Variants in KANK3 observed in about 807,000 individuals in gnomAD.
The protein encoded by KANK3 is KN motif and ankyrin repeat domain-containing protein 3.
Under a neutral mutation model 65.4 loss-of-function variants are expected in KANK3, and 61 were observed. The ratio of observed to expected loss-of-function variants is 0.93; its 90% confidence interval spans 0.76 to 1.15. The LOEUF is 1.15. Among genes scored for constraint, KANK3 ranks in the 50% most tolerant of loss-of-function variants. The pLI, the probability that KANK3 is intolerant of heterozygous loss-of-function variation, is 0.00. For synonymous variants in KANK3, 586 were observed against 543.3 expected (o/e 1.08, Z -1.09); for missense variants, 1,187 against 1,178.8 (o/e 1.01, Z -0.10).
At chr19:8,329,157 C>A (rs1440220915) in intron 7 of KANK3, among the ~76,000 whole-genome samples, 2 of 121,274 alleles carry the variant, frequency 1.6e-5, no homozygotes, top group Non-Finnish European at 3.3e-5. Context: ...GGTGACAGAG[C>A]GAGACTCCAT....
Position 8,325,393 on chromosome 19 carries a change from C to G in KANK3, c.1937-297G>C, listed in dbSNP as rs189055268. ...GATCTCAGCTCACTGCAATCTCCAC[C>G]TCCGGAGTAGCTGGAACTACAGCAT... On this transcript the variant is annotated intron_variant, in intron 7 of 10. Transcript: ENST00000330915. Among the ~76,000 whole-genome samples the G allele has an allele frequency of 6.7e-3, 986 of 147,518 alleles. 7 individuals are homozygous for G. Among genetic ancestry groups the G allele is most frequent in the Non-Finnish European group, 0.011 (748 of 66,978 alleles).
intron 7 of KANK3, among the ~76,000 whole-genome samples, chr19:8,325,521 C>T (rs1221480759): frequency 6.6e-6 from 1 of 151,726 alleles, no homozygotes; most frequent in Admixed American, 6.6e-5. Flanking sequence ...GATCCACCCA[C>T]CGTAGCCTCC....
chr19:8,332,567 C>T (rs1452897104), intron 7 of KANK3, among the ~76,000 whole-genome samples: 3 of 151,562 alleles, frequency 2.0e-5, no homozygotes, highest in Non-Finnish European at 2.9e-5. Flanking sequence ...GCCTGTAATC[C>T]CAGCACTTTG....
chr19:8,336,711 GACTGGGTGA>G (rs1252293063), intron 2 of KANK3, among the ~76,000 whole-genome samples: 1 of 142,536 alleles, frequency 7.0e-6, no homozygotes, highest in East Asian at 2.1e-4. Flanking sequence ...CTGCACTCCA[GACTGGGTGA>G]CAGAGTGAGA....
In KANK3 at chr19:8,334,080, G is replaced by T; in HGVS notation, c.1464C>A (p.Ser488Arg). Residue 488 changes from serine to arginine, a missense_variant, in exon 5 of 11, where the codon AGC becomes AGA. Transcript: ENST00000330915. Reference protein sequence around the residue: ...ESSSSEDASDSDGDSENGGAE... With the variant: ...ESSSSEDASDRDGDSENGGAE... ...CGCCACCGTTCTCGCTGTCGCCATC[G>T]CTGTCGCTGGCGTCCTCGCTGGAGG... The T allele has an allele frequency of 1.3e-6, 2 of 1,524,478 alleles. No homozygotes were observed. The highest frequency in any genetic ancestry group is 8.8e-7 in the Non-Finnish European group (1 of 1,137,976). The allele number at this position is 1,524,478 out of a possible 1,614,324, so 94.4% of individuals were successfully genotyped here. A position where few individuals can be genotyped will look rare whatever the true frequency, so the allele number is the denominator to read the frequency against.
chr19:8,334,168 G>A, intron 4 of KANK3, 52 bp from the exon 5 acceptor site: 1 of 1,490,522 alleles, frequency 6.7e-7, no homozygotes, highest in Non-Finnish European at 8.9e-7. Flanking sequence ...GGCTCGTTCT[G>A]GAGTCCTGCG....
chr19:8,342,722 A>C (rs1037350727), intron 1 of KANK3, among the ~76,000 whole-genome samples: 1 of 152,128 alleles, frequency 6.6e-6, no homozygotes. Context: ...TGGGTGTTAA[A>C]GTCATCATCA....
rs59607185 is a variant in KANK3 at position 8,329,492 on chromosome 19, C to CAAAAAAAAAA, written c.1936+3512_1936+3521dup. Among the ~76,000 whole-genome samples the CAAAAAAAAAA allele has an allele frequency of 2.0e-4, 10 of 51,122 alleles. 1 individual carries two copies. The highest frequency in any genetic ancestry group is 2.5e-4 in the Admixed American group (1 of 4,060). The allele number at this position is 51,122 out of a possible 152,430, so 33.5% of individuals were successfully genotyped here. A position where few individuals can be genotyped will look rare whatever the true frequency, so the allele number is the denominator to read the frequency against. On this transcript the variant is annotated intron_variant, in intron 7 of 10. Coordinates refer to ENST00000330915, the MANE Select transcript of KANK3 (RefSeq NM_198471.3). ...CAGGCAACAGAGCAAGACTCGGCCTCAAAAAAAAAAAAAAAAAAAAAAAAA... is the reference window on the plus strand; with the variant it reads ...CAGGCAACAGAGCAAGACTCGGCCTCAAAAAAAAAAAAAAAAAAAAAAAAAAAAAAAAAAA...
In KANK3 at chr19:8,324,493, CG is replaced by C; in HGVS notation, c.2337del (p.Ala780LeufsTer7). 6.2e-7 allele frequency: 1 copy of C among 1,612,476 alleles called. No homozygotes were observed. Among genetic ancestry groups the C allele is most frequent in the Non-Finnish European group, 8.5e-7 (1 of 1,179,322 alleles). On this transcript the variant is annotated frameshift_variant, in exon 10 of 11. Transcript: ENST00000330915. LOFTEE classifies it low-confidence loss of function (END_TRUNC). ...IALEAEQDEVAALLHAHLSSG... is the reference protein window; with the variant it reads ...IALEAEQDEVXALLHAHLSSG... ...GAGCTCAGGTGGGCATGTAGCAGAGCGGCCACCTCATCCTGCTCAGCCTCCA... is the reference window on the plus strand; with the variant it reads ...GAGCTCAGGTGGGCATGTAGCAGAGCGCCACCTCATCCTGCTCAGCCTCCA...
At chr19:8,328,728 G>A (rs565955809) in intron 7 of KANK3, among the ~76,000 whole-genome samples, 1 of 152,220 alleles carries the variant, frequency 6.6e-6, no homozygotes, top group South Asian at 2.1e-4. Flanking sequence ...GTGGGGAGCT[G>A]AGAAGTGAGA....
intron 7 of KANK3, among the ~76,000 whole-genome samples, chr19:8,325,461 CAG>C (rs1970411674): frequency 2.0e-5 from 3 of 151,720 alleles, no homozygotes; most frequent in South Asian, 2.1e-4. Flanking sequence ...TTAGTAGAGA[CAG>C]GGTTTCACCA....
At chr19:8,325,176 G>A (rs557130690) in intron 7 of KANK3, 80 bp from the exon 8 acceptor site, 40 of 1,464,282 alleles carry the variant, frequency 2.7e-5, no homozygotes, top group East Asian at 2.4e-4. Context: ...TGCAAGCCTC[G>A]GGCACAGCAC....
At chr19:8,338,895 A>G (rs900481395) in intron 1 of KANK3, among the ~76,000 whole-genome samples, 3 of 149,828 alleles carry the variant, frequency 2.0e-5, no homozygotes, top group Non-Finnish European at 4.5e-5. Context: ...AAAAAAAAAA[A>G]AAAAGGATGT....
At position 8,333,319 on chromosome 19, in the gene KANK3, G is replaced by T; in HGVS notation, c.1720-89C>A. Reference sequence around the variant, plus strand: ...CTGGGGAGGGGCGGGACTGGGAAGAGACCCATTTGGCGTTTCCAGGCAAGT... The same window carrying T: ...CTGGGGAGGGGCGGGACTGGGAAGATACCCATTTGGCGTTTCCAGGCAAGT... On this transcript the variant is annotated intron_variant, in intron 6 of 10. Coordinates refer to ENST00000330915, the MANE Select transcript of KANK3 (RefSeq NM_198471.3). This position sits in a 1 kb window ranked among gnomAD's most constrained non-coding sequence, Gnocchi z 5.0. The T allele has an allele frequency of 9.1e-7, 1 of 1,099,866 alleles. No individual in the cohort carries two copies. The highest frequency in any genetic ancestry group is 1.3e-6 in the Non-Finnish European group (1 of 774,388). The allele number at this position is 1,099,866 out of a possible 1,614,324, so 68.1% of individuals were successfully genotyped here. A position where few individuals can be genotyped will look rare whatever the true frequency, so the allele number is the denominator to read the frequency against.
chr19:8,336,427 A>G (rs868132793), intron 2 of KANK3, among the ~76,000 whole-genome samples: 1 of 91,982 alleles, frequency 1.1e-5, no homozygotes, highest in African/African-American at 5.1e-5. Context: ...ACAGAAGAGA[A>G]CCTCTCAAAA....
In KANK3 at chr19:8,334,122, G is replaced by A; in HGVS notation, c.1428-6C>T. The A allele has an allele frequency of 6.6e-7, 1 of 1,508,586 alleles. No homozygotes were observed. The highest frequency in any genetic ancestry group is 8.9e-7 in the Non-Finnish European group (1 of 1,127,954). The allele number at this position is 1,508,586 out of a possible 1,614,324, so 93.5% of individuals were successfully genotyped here. On this transcript the variant is annotated splice_polypyrimidine_tract_variant and splice_region_variant and intron_variant, in intron 4 of 10. Transcript: ENST00000330915. ...CGCTGGAGGAGCTCTCGTACCTGGG[G>A]GCAGGGTGGGAGGTGTCTGCTAAAC... is the stretch of plus-strand genomic sequence containing the variant.
rs1318249091 is a variant in KANK3, at chr19:8,335,051, C to T, written c.776G>A (p.Arg259His). The change falls in exon 3 of 11, where the codon CGC becomes CAC. Residue 259 changes from arginine to histidine, a missense_variant. Transcript: ENST00000330915. ...GGGGCTGGCCCTGGCACGGCCGCCGCGCTCGGAGGTGGCCAGGCGCTCGGT... is the reference window on the plus strand; with the variant it reads ...GGGGCTGGCCCTGGCACGGCCGCCGTGCTCGGAGGTGGCCAGGCGCTCGGT... The part of the protein sequence containing the change: ...RLTERLATSE[R>H]GGRARASPRA... 3 of 1,355,844 alleles carry T rather than the reference C, an allele frequency of 2.2e-6. No homozygotes were observed. Among genetic ancestry groups the T allele is most frequent in the Non-Finnish European group, 2.8e-6 (3 of 1,061,914 alleles). The allele number at this position is 1,355,844 out of a possible 1,614,324, so 84.0% of individuals were successfully genotyped here. A position where few individuals can be genotyped will look rare whatever the true frequency, so the allele number is the denominator to read the frequency against.
In KANK3 at chr19:8,333,755, A is replaced by C; in HGVS notation, c.1688T>G (p.Leu563Arg). The C allele has an allele frequency of 6.7e-7, 1 of 1,485,138 alleles. No individual in the cohort carries two copies. Among genetic ancestry groups the C allele is most frequent in the Non-Finnish European group, 9.0e-7 (1 of 1,114,310 alleles). 92.0% of individuals were successfully genotyped at this position (1,485,138 alleles called of 1,614,324 possible). ...REACVALQRQ[L>R]SRPRGVASDG... The stretch of plus-strand genomic sequence containing the variant: ...GCTGGCTACTCCGCGGGGCCGGCTC[A>C]GCTGCCGCTGCAGCGCTACGCACGC... Residue 563 changes from leucine to arginine, a missense_variant, in exon 6 of 11, where the codon CTG (leucine) becomes CGG (arginine). By Grantham distance (102) the Leu-to-Arg change is moderately radical (BLOSUM62 -2). Coordinates refer to ENST00000330915, the MANE Select transcript of KANK3 (RefSeq NM_198471.3). The surrounding 1 kb of genome is among the most constrained non-coding windows in gnomAD (Gnocchi z 5.0).
At chr19:8,339,963 C>CAAAAAAAAAAAAAAAA (rs59020478) in intron 1 of KANK3, among the ~76,000 whole-genome samples, 3 of 95,770 alleles carry the variant, frequency 3.1e-5, no homozygotes, top group East Asian at 3.1e-4. Context: ...GACCTTGTCT[C>CAAAAAAAAAAAAAAAA]AAAAAAAAAA....
Sources: allele counts gnomAD v4.1 joint callset (sites outside exome capture counted in the v4.1 genomes callset), GRCh38; gene constraint gnomAD v4.1.1; non-coding constraint Gnocchi (gnomAD v3.1); transcripts MANE v1.5; gene names NCBI Gene and HGNC (gene_info 2026-07-23, HGNC 2026-07-21).